The following STOML3 variants were observed in gnomAD, a reference collection of about 807,000 sequenced individuals.
The protein encoded by STOML3 is stomatin-like protein 3.
In STOML3, 31 loss-of-function variants were observed where a neutral mutation model predicts 29.5. The ratio of observed to expected loss-of-function variants is 1.05; its 90% confidence interval spans 0.79 to 1.42. The LOEUF (loss-of-function observed/expected upper bound fraction) is 1.42. Ranked by LOEUF, STOML3 falls within the 40% of genes most tolerant of loss-of-function variation. The probability of loss-of-function intolerance (pLI) is 0.00; values close to 1 mark genes in which losing one functional copy is unlikely to be tolerated. For synonymous variants in STOML3, 122 were observed against 139.8 expected, an observed-to-expected ratio of 0.87 and a Z score of 0.90; for missense variants, 380 against 363.0, an observed-to-expected ratio of 1.05 and a Z score of -0.38.
intron 4 of STOML3, among the ~76,000 whole-genome samples, chr13:38,970,836 T>C (rs1166766776): frequency 1.3e-5 from 2 of 152,130 alleles, no homozygotes; most frequent in African/African-American, 2.4e-5. Context: ...CCAGAGACCA[T>C]GTAAAGAAAA....
chr13:38,975,801 C>T lies in STOML3; in HGVS notation c.229+739G>A, dbSNP rs190727025. On this transcript the variant is annotated intron_variant, in intron 3 of 6. Coordinates refer to ENST00000379631, the MANE Select transcript of STOML3 (RefSeq NM_145286.3). ...ATAGTTTTAGTATCCACCCCAACCC[C>T]GGGCAAAAACAAAAAACAAACAAAG... Among the ~76,000 whole-genome samples, 611 of 152,090 alleles carry T rather than the reference C, an allele frequency of 4.0e-3. 3 individuals carry two copies. Among genetic ancestry groups the T allele is most frequent in the African/African-American group, 0.012 (516 of 41,498 alleles).
Position 38,980,987 on chromosome 13 carries a change from T to C in STOML3, c.53-4190A>G, listed in dbSNP as rs148682142. 3.4e-3 allele frequency among the ~76,000 whole-genome samples: 520 copies of C among 152,246 alleles called. 2 individuals carry two copies. Among genetic ancestry groups the C allele is most frequent in the African/African-American group, 0.012 (501 of 41,548 alleles). ...TGTGGCTGTGACAACAGCAGCAAAA[T>C]ATTTAATCAATACCTTCCTTTCAAT... On this transcript the variant is annotated intron_variant, in intron 1 of 6. Coordinates refer to ENST00000379631, the MANE Select transcript of STOML3 (RefSeq NM_145286.3).
intron 6 of STOML3, among the ~76,000 whole-genome samples, chr13:38,968,136 C>T (rs17058890): frequency 0.011 from 1,633 of 152,170 alleles, 34 homozygotes; most frequent in African/African-American, 0.036. Context: ...CACTGATATG[C>T]GGCTAGAGTT....
chr13:38,978,115 C>T (rs1442019134), intron 1 of STOML3, among the ~76,000 whole-genome samples: 1 of 151,472 alleles, frequency 6.6e-6, no homozygotes, highest in South Asian at 2.1e-4. Flanking sequence ...ATTTAGAATT[C>T]TTTATAGTCA....
Position 38,966,971 on chromosome 13 carries a change from CTA to C in STOML3, c.728_729del (p.Ile243SerfsTer39), listed in dbSNP as rs1057233047. The part of the protein sequence containing the change: ...SASMVLAESP[I>X]ALQLRYLQTL... Reference sequence around the variant, plus strand: ...GTCTGCAGGTAGCGCAGCTGGAGAGCTATGGGAGACTCAGCCAGCACCATGGA... The same window carrying C: ...GTCTGCAGGTAGCGCAGCTGGAGAGCTGGGAGACTCAGCCAGCACCATGGA... On this transcript the variant is annotated frameshift_variant, in exon 7 of 7. Transcript: ENST00000379631. LOFTEE classifies it high-confidence loss of function. 1 of 1,613,852 alleles carries C rather than the reference CTA, an allele frequency of 6.2e-7. No homozygotes were observed. The highest frequency in any genetic ancestry group is 8.5e-7 in the Non-Finnish European group (1 of 1,180,024).
chr13:38,986,480 C>A (rs1375616591), intron 1 of STOML3, among the ~76,000 whole-genome samples: 1 of 152,142 alleles, frequency 6.6e-6, no homozygotes, highest in Admixed American at 6.5e-5. Flanking sequence ...AATCCCCTTT[C>A]CTGAGCTTGG....
intron 1 of STOML3, among the ~76,000 whole-genome samples, chr13:38,977,786 G>A (rs1181377791): frequency 9.9e-6 from 1 of 101,508 alleles, no homozygotes; most frequent in Non-Finnish European, 2.0e-5. Flanking sequence ...TTGAGACGGA[G>A]TCTCGCTCTG....
intron 3 of STOML3, among the ~76,000 whole-genome samples, chr13:38,975,096 G>A (rs1291224245): frequency 4.6e-5 from 7 of 152,116 alleles, no homozygotes; most frequent in East Asian, 1.9e-4. Flanking sequence ...TTGAGAGGTC[G>A]AGACGGGCGG....
intron 1 of STOML3, among the ~76,000 whole-genome samples, chr13:38,985,994 T>A (rs1868517209): frequency 7.2e-6 from 1 of 139,370 alleles, no homozygotes. Flanking sequence ...GAAGTATAAG[T>A]GGTTTTCATT....
At chr13:38,988,892 A>G (rs1682472141) in intron 1 of STOML3, among the ~76,000 whole-genome samples, 3 of 141,144 alleles carry the variant, frequency 2.1e-5, no homozygotes, top group Admixed American at 7.5e-5. Flanking sequence ...ATTACATATT[A>G]TATACTATAC....
chr13:38,980,209 G>A (rs139802806), intron 1 of STOML3: 21 of 1,413,936 alleles, frequency 1.5e-5, no homozygotes, highest in African/African-American at 2.9e-5. Flanking sequence ...CACCCAGGCC[G>A]CGGCTTCTGG....
intron 1 of STOML3, among the ~76,000 whole-genome samples, chr13:38,989,169 G>A (rs1868895145): frequency 6.6e-6 from 1 of 151,694 alleles, no homozygotes; most frequent in Non-Finnish European, 1.5e-5. Flanking sequence ...ATCAGACATT[G>A]CAAATATATC....
chr13:38,970,980 A>C (rs1880842877), intron 4 of STOML3, among the ~76,000 whole-genome samples: 1 of 152,084 alleles, frequency 6.6e-6, no homozygotes, highest in African/African-American at 2.4e-5. Flanking sequence ...GAGCTAGAAA[A>C]GTCCCTACTG....
chr13:38,978,755 C>T (rs1593503909), intron 1 of STOML3, among the ~76,000 whole-genome samples: 1 of 152,138 alleles, frequency 6.6e-6, no homozygotes, highest in Non-Finnish European at 1.5e-5. Flanking sequence ...ACCCATTTTA[C>T]TCCTACTAAT....
At position 38,990,673 on chromosome 13, in the gene STOML3, C is replaced by T. The variant is rs770502413; in HGVS notation, c.49G>A (p.Val17Met). The change falls in exon 1 of 7, where the codon GTG becomes ATG. Residue 17 changes from valine to methionine, a missense_variant. Coordinates refer to ENST00000379631, the MANE Select transcript of STOML3 (RefSeq NM_145286.3). The stretch of plus-strand genomic sequence containing the variant: ...AAGACAGGAAAAAGGAACTTACCCA[C>T]GAAATTCTCTTTATCTTGCTTCTCA... Reference protein sequence around the residue: ...SPEKQDKENFVGVNNKRLGVC... With the variant: ...SPEKQDKENFMGVNNKRLGVC... 33 of 1,613,800 alleles carry T rather than the reference C, an allele frequency of 2.0e-5. No individual in the cohort carries two copies. Among genetic ancestry groups the T allele is most frequent in the Admixed American group, 3.3e-5 (2 of 59,994 alleles).
chr13:38,978,611 T>C (rs1276146488), intron 1 of STOML3, among the ~76,000 whole-genome samples: 1 of 152,178 alleles, frequency 6.6e-6, no homozygotes, highest in African/African-American at 2.4e-5. Flanking sequence ...AAACGCCATA[T>C]ACTGTCTATC....
chr13:38,966,539 C>T lies in STOML3; in HGVS notation c.*286G>A. 4.0e-6 allele frequency: 1 copy of T among 251,956 alleles called. No individual in the cohort carries two copies. Among genetic ancestry groups the T allele is most frequent in the East Asian group, 7.7e-5 (1 of 13,024 alleles). 15.6% of individuals were successfully genotyped at this position (251,956 alleles called of 1,614,324 possible). The stretch of plus-strand genomic sequence containing the variant: ...AGTCACCCAATGATTTCTTCTCATA[C>T]TACCAGAAAGTTCCTGCTATAAAGT... On this transcript the variant is annotated 3_prime_UTR_variant, in exon 7 of 7. Coordinates refer to ENST00000379631, the MANE Select transcript of STOML3 (RefSeq NM_145286.3).
At chr13:38,980,114 G>T in intron 1 of STOML3, 1 of 1,551,640 alleles carries the variant, frequency 6.4e-7, no homozygotes, top group Non-Finnish European at 8.7e-7. Context: ...ATGAGGCTCA[G>T]CTCCATTAGG....
rs556513488 is a variant in STOML3, at chr13:38,987,932, T to TTA, written c.52+2736_52+2737dup. Among the ~76,000 whole-genome samples the TTA allele has an allele frequency of 1.5e-4, 7 of 48,152 alleles. No homozygotes were observed. The African/African-American group carries it at 2.0e-3, about 14-fold the overall frequency. 31.6% of individuals were successfully genotyped at this position (48,152 alleles called of 152,430 possible). A position where few individuals can be genotyped will look rare whatever the true frequency, so the allele number is the denominator to read the frequency against. ...AATATATTATATTTTATATAATATA[T>TTA]TATGTTATATATAATATATTATATT... On this transcript the variant is annotated intron_variant, in intron 1 of 6. Coordinates refer to ENST00000379631, the MANE Select transcript of STOML3 (RefSeq NM_145286.3).
Sources: gnomAD v4.1 joint callset for allele counts (sites outside exome capture counted in the v4.1 genomes callset) on GRCh38, gnomAD v4.1.1 for gene constraint, MANE v1.5 for transcripts, NCBI Gene and HGNC (gene_info 2026-07-23, HGNC 2026-07-21) for gene names.